Variants in MAD1L1 observed in about 807,000 individuals in gnomAD.
MAD1L1 encodes mitotic arrest deficient 1 like 1.
Under a neutral mutation model 96.9 loss-of-function variants are expected in MAD1L1, and 95 were observed. The ratio of observed to expected loss-of-function variants is 0.98; its 90% CI spans 0.83 to 1.16. MAD1L1 has a LOEUF of 1.16. Among genes scored for constraint, MAD1L1 ranks in the 50% most tolerant of loss-of-function variants. MAD1L1 has a pLI of 0.00. For missense variants in MAD1L1, 1,007 were observed against 954.4 expected (o/e 1.06, Z -0.73); for synonymous variants, 473 against 396.6 (o/e 1.19, Z -2.29).
Position 2,091,751 on chromosome 7 carries a change from G to A in MAD1L1, c.1074-22413C>T, listed in dbSNP as rs185743136. On this transcript the variant is annotated intron_variant, in intron 11 of 18. Transcript: ENST00000265854. ...AGATCACGCCACTGCACTACAGCCT[G>A]GGCGACAGAGCGAGACTCCATCTCA... Among the ~76,000 whole-genome samples, 121 of 151,574 alleles carry A rather than the reference G, an allele frequency of 8.0e-4. 1 individual carries two copies. The East Asian group carries it at 0.019, about 24-fold the overall frequency.
At chr7:1,951,660 G>C (rs1252003297) in intron 16 of MAD1L1, among the ~76,000 whole-genome samples, 4 of 152,284 alleles carry the variant, frequency 2.6e-5, no homozygotes, top group South Asian at 2.1e-4. Context: ...GATGACTCTA[G>C]GGGCCTCGTG....
Position 1,938,198 on chromosome 7 carries a change from G to A in MAD1L1, c.1597-1301C>T, listed in dbSNP as rs111698506. The stretch of plus-strand genomic sequence containing the variant: ...CTCACGCCACACACAAACATCAGCC[G>A]CCCACGGCAGGGAGCTGCAGGGTTA... On this transcript the variant is annotated intron_variant, in intron 16 of 18. Coordinates refer to ENST00000265854, the MANE Select transcript of MAD1L1 (RefSeq NM_001013836.2). 6.1e-3 allele frequency among the ~76,000 whole-genome samples: 526 copies of A among 86,278 alleles called. 44 individuals are homozygous for A. Among genetic ancestry groups the A allele is most frequent in the Middle Eastern group, 0.012 (2 of 162 alleles). 56.6% of individuals were successfully genotyped at this position (86,278 alleles called of 152,430 possible).
intron 18 of MAD1L1, chr7:1,848,601 A>T (rs1408492414): frequency 4.6e-5 from 7 of 153,676 alleles, no homozygotes; most frequent in Admixed American, 3.9e-4. Context: ...TGAGCCCTCA[A>T]GGGGCACCAT....
rs183423314 is a variant in MAD1L1, at chr7:2,210,410, G to C, written c.986+2802C>G. Among the ~76,000 whole-genome samples, 1,008 of 143,262 alleles carry C rather than the reference G, an allele frequency of 7.0e-3. 9 individuals carry two copies. Among genetic ancestry groups the C allele is most frequent in the Admixed American group, 0.016 (220 of 14,084 alleles). 94.0% of individuals were successfully genotyped at this position (143,262 alleles called of 152,430 possible). On this transcript the variant is annotated intron_variant, in intron 10 of 18. Coordinates refer to ENST00000265854, the MANE Select transcript of MAD1L1 (RefSeq NM_001013836.2). ...TTACCAAACCCTCCCGGTGATTCTAGGAGCCGTATTCGGGACCGCCAGCCC... is the reference window on the plus strand; with the variant it reads ...TTACCAAACCCTCCCGGTGATTCTACGAGCCGTATTCGGGACCGCCAGCCC...
At chr7:1,912,990 G>A (rs941544761) in intron 17 of MAD1L1, among the ~76,000 whole-genome samples, 5 of 152,122 alleles carry the variant, frequency 3.3e-5, no homozygotes, top group Non-Finnish European at 5.9e-5. Context: ...TCAGCTCCCC[G>A]GCAGGCGAGC....
At chr7:2,149,919 G>C (rs1363894703) in intron 10 of MAD1L1, among the ~76,000 whole-genome samples, 2 of 152,220 alleles carry the variant, frequency 1.3e-5, no homozygotes, top group Admixed American at 1.3e-4. Flanking sequence ...AGTGGTGTGT[G>C]AGCATTCCCA....
chr7:1,894,627 G>C (rs1786752096), intron 18 of MAD1L1, among the ~76,000 whole-genome samples: 1 of 152,130 alleles, frequency 6.6e-6, no homozygotes, highest in Non-Finnish European at 1.5e-5. Context: ...ATGCTCTAAA[G>C]GCCCATATCC....
chr7:2,058,452 A>G (rs531133053), intron 12 of MAD1L1, among the ~76,000 whole-genome samples: 9 of 23,544 alleles, frequency 3.8e-4, no homozygotes, highest in Admixed American at 1.8e-3. Flanking sequence ...GAGAGGCGCG[A>G]GGCTGGAGAG....
rs749174821 is a variant in MAD1L1, at chr7:2,014,690, G to A, written c.1219-48C>T. 4.5e-6 allele frequency: 7 copies of A among 1,557,140 alleles called. No homozygotes were observed. The South Asian group carries it at 8.3e-5, about 19-fold the overall frequency. ...ATCAGGACCCGGGACGGGGGATGAG[G>A]TAATGATGGAGACGGCTCAGGGAAG... On this transcript the variant is annotated intron_variant, in intron 12 of 18. Transcript: ENST00000265854.
chr7:2,124,795 T>C (rs571946170), intron 11 of MAD1L1, among the ~76,000 whole-genome samples: 1 of 152,208 alleles, frequency 6.6e-6, no homozygotes, highest in African/African-American at 2.4e-5. Flanking sequence ...TTCAGGAGCC[T>C]TGCTCAGTGC....
chr7:1,904,017 T>C (rs548776910), intron 17 of MAD1L1, among the ~76,000 whole-genome samples: 4 of 119,226 alleles, frequency 3.4e-5, no homozygotes, highest in African/African-American at 8.9e-5. Context: ...CAGTGGCCTA[T>C]GGAAGACGTT....
At chr7:2,096,435 C>T (rs1786494170) in intron 11 of MAD1L1, among the ~76,000 whole-genome samples, 1 of 152,328 alleles carries the variant, frequency 6.6e-6, no homozygotes, top group African/African-American at 2.4e-5. Context: ...ACTCGGCTTT[C>T]ACTCTCAAAA....
intron 13 of MAD1L1, among the ~76,000 whole-genome samples, chr7:2,010,831 T>C (rs954001956): frequency 4.0e-5 from 6 of 151,432 alleles, no homozygotes; most frequent in Non-Finnish European, 7.4e-5. Flanking sequence ...CCCAGGGGCA[T>C]GCGCAGGGCC....
At chr7:1,908,686 C>T (rs1388197920) in intron 17 of MAD1L1, among the ~76,000 whole-genome samples, 1 of 152,196 alleles carries the variant, frequency 6.6e-6, no homozygotes, top group Non-Finnish European at 1.5e-5. Flanking sequence ...AGGCATCGCC[C>T]TCAGGTCTCA....
chr7:2,164,041 C>T (rs116476606), intron 10 of MAD1L1, among the ~76,000 whole-genome samples: 8 of 152,248 alleles, frequency 5.3e-5, no homozygotes, highest in African/African-American at 1.4e-4. Context: ...CTCAACCCCC[C>T]ACCTCAGGAA....
At chr7:2,223,002 G>C (rs576059587) in intron 4 of MAD1L1, among the ~76,000 whole-genome samples, 107 of 152,318 alleles carry the variant, frequency 7.0e-4, no homozygotes, top group African/African-American at 2.4e-3. Flanking sequence ...ACTTGGCACA[G>C]ATCACACACA....
chr7:1,952,586 C>T (rs1212064446), intron 16 of MAD1L1, among the ~76,000 whole-genome samples: 1 of 131,288 alleles, frequency 7.6e-6, no homozygotes, highest in Non-Finnish European at 1.7e-5. Context: ...CACAGAGGTG[C>T]GTGAAGGTGG....
chr7:2,043,719 C>T (rs1049841842), intron 12 of MAD1L1, among the ~76,000 whole-genome samples: 4 of 152,208 alleles, frequency 2.6e-5, no homozygotes, highest in African/African-American at 4.8e-5. Flanking sequence ...GCCTTTTTCT[C>T]GAGAGTGGGG....
chr7:1,858,018 G>A (rs925329618), intron 18 of MAD1L1, among the ~76,000 whole-genome samples: 5 of 152,232 alleles, frequency 3.3e-5, no homozygotes, highest in African/African-American at 1.2e-4. Context: ...TTTCCTCCCT[G>A]CCTGTATTAA....
Sources: allele counts gnomAD v4.1 joint callset (sites outside exome capture counted in the v4.1 genomes callset), GRCh38; gene constraint gnomAD v4.1.1; transcripts MANE v1.5; gene names NCBI Gene and HGNC (gene_info 2026-07-23, HGNC 2026-07-21).